Variants in GLB1 observed in about 807,000 individuals in gnomAD.
The protein encoded by GLB1 is beta-galactosidase.
A neutral mutation model predicts 74.0 loss-of-function variants in GLB1; 56 were observed. That is an observed-to-expected ratio of 0.76 (90% CI 0.61 to 0.94). The LOEUF (loss-of-function observed/expected upper bound fraction) is 0.94. Ranked by LOEUF, GLB1 falls within the 40% of genes least tolerant of loss-of-function variation. The pLI is 0.00. For missense variants in GLB1, 787 were observed against 845.5 expected, an observed-to-expected ratio of 0.93 and a Z score of 0.86; for synonymous variants, 323 against 323.6, an observed-to-expected ratio of 1.00 and a Z score of 0.02.
chr3:32,994,579 T>C (rs1465557810), downstream of GLB1, among the ~76,000 whole-genome samples: 2 of 152,076 alleles, frequency 1.3e-5, no homozygotes, highest in East Asian at 3.9e-4. Flanking sequence ...TAGAGTTGGA[T>C]GGGTTGAGGG....
At chr3:33,047,010 C>T (rs1227474303) in intron 9 of GLB1, among the ~76,000 whole-genome samples, 2 of 152,164 alleles carry the variant, frequency 1.3e-5, no homozygotes, top group Non-Finnish European at 2.9e-5. Flanking sequence ...CAATGTGCCT[C>T]GAACAGCCAA....
chr3:33,074,889 C>G (rs1216084574), intron 1 of GLB1, among the ~76,000 whole-genome samples: 3 of 152,150 alleles, frequency 2.0e-5, no homozygotes, highest in Non-Finnish European at 2.9e-5. Context: ...TGCCTGAAAT[C>G]CAACTGGCGA....
intron 10 of GLB1, among the ~76,000 whole-genome samples, chr3:33,043,151 T>G (rs1179419905): frequency 6.6e-6 from 1 of 152,214 alleles, no homozygotes; most frequent in Non-Finnish European, 1.5e-5. Flanking sequence ...AGTAAAGATA[T>G]TGATTAATTT....
chr3:33,038,245 G>A (rs1019447755), intron 10 of GLB1, among the ~76,000 whole-genome samples: 8 of 152,116 alleles, frequency 5.3e-5, no homozygotes, highest in Non-Finnish European at 1.0e-4. Flanking sequence ...CATTTAACAC[G>A]GAAATTGTAA....
At chr3:33,019,863 C>A (rs1447722383) in intron 12 of GLB1, among the ~76,000 whole-genome samples, 1 of 152,112 alleles carries the variant, frequency 6.6e-6, no homozygotes, top group African/African-American at 2.4e-5. Context: ...TCCCTGAAGT[C>A]TGTGCCCTTT....
At position 33,093,958 on chromosome 3, in the gene GLB1, T is replaced by C. The variant is rs545400877; in HGVS notation, c.75+3053A>G. On this transcript the variant is annotated intron_variant, in intron 1 of 15. Coordinates refer to ENST00000307363, the MANE Select transcript of GLB1 (RefSeq NM_000404.4). The surrounding 1 kb of genome is among the most constrained non-coding windows in gnomAD (Gnocchi z 6.0). ...ACCACCTTCCAAAGCTGAAAACAGG[T>C]TGACTCTGCAGCTGGGGAGTGGCAG... 3 of 1,614,098 alleles carry C rather than the reference T, an allele frequency of 1.9e-6. No homozygotes were observed. The highest frequency in any genetic ancestry group is 2.2e-5 in the East Asian group (1 of 44,876).
chr3:32,974,274 G>T, the GLB1 span, among the ~76,000 whole-genome samples: 2 of 152,128 alleles, frequency 1.3e-5, no homozygotes, highest in Non-Finnish European at 2.9e-5. Context: ...CTGAGGCAGG[G>T]ATTCTAGTGC....
intron 5 of GLB1, among the ~76,000 whole-genome samples, chr3:33,058,522 GT>G (rs1699314481): frequency 6.6e-6 from 1 of 152,092 alleles, no homozygotes. Context: ...CCAAACTGGT[GT>G]TCAGATTGTA....
At chr3:33,064,726 G>A (rs1430736373) in intron 5 of GLB1, among the ~76,000 whole-genome samples, 4 of 125,748 alleles carry the variant, frequency 3.2e-5, no homozygotes, top group Non-Finnish European at 6.3e-5. Context: ...GCAGTAAGCC[G>A]AGATTGCCCC....
At chr3:33,094,487 T>C (rs553352849) in intron 1 of GLB1, among the ~76,000 whole-genome samples, 25 of 152,356 alleles carry the variant, frequency 1.6e-4, no homozygotes, top group African/African-American at 6.0e-4. Context: ...TGATGGGCAG[T>C]TTTCATTTTC....
At chr3:32,968,797 G>A in the GLB1 span, among the ~76,000 whole-genome samples, 1 of 152,188 alleles carries the variant, frequency 6.6e-6, no homozygotes, top group Non-Finnish European at 1.5e-5. Flanking sequence ...CTTCTTGTAT[G>A]TCCACAAATG....
chr3:33,095,835 C>T (rs1701001797), intron 1 of GLB1, among the ~76,000 whole-genome samples: 1 of 152,232 alleles, frequency 6.6e-6, no homozygotes, highest in Admixed American at 6.5e-5. Context: ...CTGGCTAGCT[C>T]TGACTCCTAA....
At chr3:33,087,288 G>C (rs1297409652) in intron 1 of GLB1, among the ~76,000 whole-genome samples, 1 of 152,098 alleles carries the variant, frequency 6.6e-6, no homozygotes, top group Admixed American at 6.6e-5. Flanking sequence ...ACCTCAAAGA[G>C]GCCGGGTACG....
At chr3:32,977,139 C>T in the GLB1 span, among the ~76,000 whole-genome samples, 2 of 151,786 alleles carry the variant, frequency 1.3e-5, no homozygotes, top group African/African-American at 2.4e-5. Flanking sequence ...ACTGAGGAAA[C>T]CATGAGAAAG....
At chr3:33,017,263 T>A (rs1403691038) in intron 13 of GLB1, among the ~76,000 whole-genome samples, 1 of 152,212 alleles carries the variant, frequency 6.6e-6, no homozygotes, top group Non-Finnish European at 1.5e-5. Flanking sequence ...TCAGAGAAGT[T>A]AGGTGGAGTA....
chr3:33,038,507 A>AGCAGAAAGGAATTAAGT (rs1698378006), intron 10 of GLB1, among the ~76,000 whole-genome samples: 1 of 152,216 alleles, frequency 6.6e-6, no homozygotes, highest in Non-Finnish European at 1.5e-5. Flanking sequence ...AAGCTACCAA[A>AGCAGAAAGGAATTAAGT]GCAGAAAGGA....
At chr3:33,076,862 T>A (rs756089912) in intron 1 of GLB1, among the ~76,000 whole-genome samples, 11 of 152,096 alleles carry the variant, frequency 7.2e-5, no homozygotes, top group Non-Finnish European at 1.2e-4. Flanking sequence ...CCCCTTCACA[T>A]AAAAACTGTA....
chr3:33,026,785 C>G (rs1269749029), intron 10 of GLB1, among the ~76,000 whole-genome samples: 1 of 152,126 alleles, frequency 6.6e-6, no homozygotes, highest in African/African-American at 2.4e-5. Flanking sequence ...AATCTACCCA[C>G]AGAGAGGCAC....
chr3:33,034,556 C>T (rs930191393), intron 10 of GLB1: 12 of 723,706 alleles, frequency 1.7e-5, no homozygotes, highest in Non-Finnish European at 2.3e-5. Context: ...CTGGGATGGT[C>T]GTGTGTTCAT....
Sources: gnomAD v4.1 joint callset for allele counts (sites outside exome capture counted in the v4.1 genomes callset) on GRCh38, gnomAD v4.1.1 for gene constraint, Gnocchi (gnomAD v3.1) non-coding constraint, MANE v1.5 for transcripts, NCBI Gene and HGNC (gene_info 2026-07-23, HGNC 2026-07-21) for gene names.